The following PNLIPRP3 variants were observed in gnomAD, a reference collection of about 807,000 sequenced individuals.
The protein encoded by PNLIPRP3 is pancreatic lipase related protein 3.
In PNLIPRP3, 58 loss-of-function variants were observed where a neutral mutation model predicts 52.8. The observed-to-expected ratio is 1.10, with a 90% CI of 0.89 to 1.37. The LOEUF (loss-of-function observed/expected upper bound fraction) is 1.37. PNLIPRP3 is among the 40% of genes most tolerant of loss of function. The pLI is 0.00. For synonymous variants in PNLIPRP3, 192 were observed against 185.0 expected, an observed-to-expected ratio of 1.04 and a Z score of -0.31; for missense variants, 593 against 561.6, an observed-to-expected ratio of 1.06 and a Z score of -0.57.
At chr10:116,459,584 C>T (rs1198309009) in intron 5 of PNLIPRP3, among the ~76,000 whole-genome samples, 16 of 152,162 alleles carry the variant, frequency 1.1e-4, no homozygotes, top group Non-Finnish European at 2.2e-4. Flanking sequence ...GCTAGCAATA[C>T]TACCTTCATC....
At chr10:116,464,629 A>C (rs1336407720) in intron 7 of PNLIPRP3, among the ~76,000 whole-genome samples, 2 of 152,218 alleles carry the variant, frequency 1.3e-5, no homozygotes, top group Non-Finnish European at 2.9e-5. Flanking sequence ...CACCTTGGGC[A>C]CCAGCTTCTG....
chr10:116,435,608 G>C (rs1008768395), intron 1 of PNLIPRP3, among the ~76,000 whole-genome samples: 6 of 152,126 alleles, frequency 3.9e-5, no homozygotes, highest in African/African-American at 1.4e-4. Flanking sequence ...CTGGAATGTG[G>C]CCAGTACCAT....
chr10:116,459,904 G>A (rs961629042), intron 5 of PNLIPRP3, among the ~76,000 whole-genome samples: 2 of 152,050 alleles, frequency 1.3e-5, no homozygotes, highest in Non-Finnish European at 2.9e-5. Flanking sequence ...AGTAGCTGGC[G>A]TTACACGTGC....
intron 3 of PNLIPRP3, among the ~76,000 whole-genome samples, chr10:116,443,652 GT>G (rs201872821): frequency 1.5e-4 from 1 of 6,686 alleles, no homozygotes; most frequent in Non-Finnish European, 2.7e-3. Flanking sequence ...ACACATATGT[GT>G]TTATATATAT....
intron 2 of PNLIPRP3, among the ~76,000 whole-genome samples, 180 bp downstream of exon 2, chr10:116,437,045 C>G (rs1219326737): frequency 6.6e-6 from 1 of 151,820 alleles, no homozygotes; most frequent in Non-Finnish European, 1.5e-5. Flanking sequence ...ATTATCTGTT[C>G]TGATATATCT....
rs781093868 is a variant in PNLIPRP3 at position 116,443,552 on chromosome 10, C to G, written c.324+378C>G. Among the ~76,000 whole-genome samples, 9 of 149,308 alleles carry G rather than the reference C, an allele frequency of 6.0e-5. No homozygotes were observed. In the East Asian group the frequency reaches 1.2e-3, roughly 20 times the overall value. On this transcript the variant is annotated intron_variant, in intron 3 of 11. Transcript: ENST00000369230. ...CATAAGCAGTTAAATATTTATAAGG[C>G]CATATAGTGAAGATAACATTAGTAC...
rs140407354 is a variant in PNLIPRP3 at position 116,430,191 on chromosome 10, G to C, written c.49+2130G>C. On this transcript the variant is annotated intron_variant, in intron 1 of 11. Transcript: ENST00000369230. ...ATAGAAGGGCAGATATCTGCAGGTA[G>C]CTGGATAGACACGCTGGGAGCTTGT... Among the ~76,000 whole-genome samples the C allele has an allele frequency of 4.5e-3, 684 of 152,286 alleles. 6 individuals carry two copies. Among genetic ancestry groups the C allele is most frequent in the African/African-American group, 0.016 (650 of 41,570 alleles).
chr10:116,447,960 A>C (rs1434809183), intron 4 of PNLIPRP3, among the ~76,000 whole-genome samples: 1 of 6,932 alleles, frequency 1.4e-4, no homozygotes, highest in African/African-American at 1.6e-4. Context: ...GACTCCATCA[A>C]AAAAAAAAAA....
intron 7 of PNLIPRP3, among the ~76,000 whole-genome samples, chr10:116,464,176 C>T (rs544589672): frequency 1.1e-4 from 17 of 152,326 alleles, no homozygotes; most frequent in African/African-American, 2.6e-4. Flanking sequence ...AAACCCCCCA[C>T]TTGTTACACC....
chr10:116,428,007 G>C lies in PNLIPRP3; in HGVS notation c.-6G>C, dbSNP rs372052115. Reference sequence around the variant, plus strand: ...GATTTTTATGTGATTTAAAAAATCAGCTTAGATGCTTGGAATTTGGATTGT... The same window carrying C: ...GATTTTTATGTGATTTAAAAAATCACCTTAGATGCTTGGAATTTGGATTGT... On this transcript the variant is annotated 5_prime_UTR_variant, in exon 1 of 12. Coordinates refer to ENST00000369230, the MANE Select transcript of PNLIPRP3 (RefSeq NM_001011709.3). 2.5e-6 allele frequency: 4 copies of C among 1,606,422 alleles called. No homozygotes were observed. The African/African-American group carries it at 5.4e-5, about 21-fold the overall frequency.
At chr10:116,446,780 C>A (rs1845959682) in intron 4 of PNLIPRP3, among the ~76,000 whole-genome samples, 1 of 152,092 alleles carries the variant, frequency 6.6e-6, no homozygotes, top group Non-Finnish European at 1.5e-5. Flanking sequence ...ACAACGAAGG[C>A]CAGAGGAAAA....
chr10:116,431,114 T>A (rs764005242), intron 1 of PNLIPRP3, among the ~76,000 whole-genome samples: 2 of 152,194 alleles, frequency 1.3e-5, no homozygotes, highest in Non-Finnish European at 2.9e-5. Context: ...CACAACTCTT[T>A]GGATCCTCCC....
chr10:116,433,866 C>A lies in PNLIPRP3; in HGVS notation c.50-2845C>A, dbSNP rs375417280. Among the ~76,000 whole-genome samples the A allele has an allele frequency of 2.8e-4, 42 of 151,448 alleles. 1 individual carries two copies. The highest frequency in any genetic ancestry group is 9.3e-4 in the African/African-American group (38 of 40,800). ...AGGATAACATGAGCAAGAAATAAAC[C>A]TTAATTTTTGTAAGCCAGTGAGATG... On this transcript the variant is annotated intron_variant, in intron 1 of 11. Coordinates refer to ENST00000369230, the MANE Select transcript of PNLIPRP3 (RefSeq NM_001011709.3).
chr10:116,468,017 C>G (rs185120129), intron 8 of PNLIPRP3, among the ~76,000 whole-genome samples: 1 of 146,782 alleles, frequency 6.8e-6, no homozygotes, highest in Non-Finnish European at 1.5e-5. Flanking sequence ...CCTAGCTACT[C>G]GGGAGGCTGA....
intron 1 of PNLIPRP3, among the ~76,000 whole-genome samples, chr10:116,434,434 T>C (rs575856787): frequency 1.3e-5 from 2 of 152,324 alleles, no homozygotes; most frequent in African/African-American, 4.8e-5. Context: ...TGACCCAATT[T>C]CAATGTATTA....
chr10:116,477,116 T>A lies in PNLIPRP3; in HGVS notation c.1367T>A (p.Met456Lys). The change falls in exon 12 of 12, where the codon ATG (methionine) becomes AAG (lysine). Residue 456 changes from methionine to lysine, a missense_variant. Transcript: ENST00000369230. The stretch of plus-strand genomic sequence containing the variant: ...TCTACCTTCTGTAGCCAAGACATTA[T>A]GGGACCTAATATTCTCCAGAACCTG... ...YKSTFCSQDI[M>K]GPNILQNLKP... 1 of 1,599,108 alleles carries A rather than the reference T, an allele frequency of 6.3e-7. No homozygotes were observed. The highest frequency in any genetic ancestry group is 1.7e-5 in the Admixed American group (1 of 59,854).
chr10:116,461,188 T>C lies in PNLIPRP3; in HGVS notation c.706T>C (p.Cys236Arg). 1 of 1,614,202 alleles carries C rather than the reference T, an allele frequency of 6.2e-7. No homozygotes were observed. ...FELGVGTIDA[C>R]GHLDFYPNGG... Reference sequence around the variant, plus strand: ...TTCAGGTGTTGGAACCATTGATGCTTGTGGTCATCTTGACTTTTACCCAAA... The same window carrying C: ...TTCAGGTGTTGGAACCATTGATGCTCGTGGTCATCTTGACTTTTACCCAAA... Residue 236 changes from cysteine to arginine, a missense_variant, in exon 7 of 12, where the codon TGT (cysteine) becomes CGT (arginine). Physicochemically the swap from Cys to Arg is radical, Grantham distance 180. Transcript: ENST00000369230.
intron 7 of PNLIPRP3, among the ~76,000 whole-genome samples, chr10:116,463,456 T>C (rs191810395): frequency 3.9e-5 from 6 of 152,192 alleles, no homozygotes; most frequent in African/African-American, 1.4e-4. Flanking sequence ...GTAGCCTGGA[T>C]TTCATAATAT....
At chr10:116,467,014 C>T (rs721181) in intron 8 of PNLIPRP3, among the ~76,000 whole-genome samples, 11,821 of 152,144 alleles carry the variant, frequency 0.078, 577 homozygotes, top group East Asian at 0.25. Context: ...CTTCCTGCCT[C>T]GGCTGCTACT....
Sources: gnomAD v4.1 joint callset for allele counts (sites outside exome capture counted in the v4.1 genomes callset) on GRCh38, gnomAD v4.1.1 for gene constraint, MANE v1.5 for transcripts, NCBI Gene and HGNC (gene_info 2026-07-23, HGNC 2026-07-21) for gene names.